UNC5D: variants seen among roughly 807,000 people sequenced by gnomAD.
The protein encoded by UNC5D is netrin receptor UNC5D.
UNC5D carries 39 observed loss-of-function variants against 105.4 expected under a neutral mutation model. That is an observed-to-expected ratio of 0.37 (90% confidence interval 0.29 to 0.48). UNC5D has a LOEUF of 0.48. UNC5D is among the 20% of genes least tolerant of loss of function. The probability of loss-of-function intolerance (pLI) is 0.98; values close to 1 mark genes in which losing one functional copy is unlikely to be tolerated. For synonymous variants in UNC5D, 452 were observed against 450.4 expected (o/e 1.00, Z -0.04); for missense variants, 991 against 1,202.4 (o/e 0.82, Z 2.60).
chr8:35,335,756 A>ATTTTTTTTTTTTTTTTTTTTTTTT (rs35774459), intron 1 of UNC5D, among the ~76,000 whole-genome samples: 1 of 90,484 alleles, frequency 1.1e-5, no homozygotes, highest in Admixed American at 1.5e-4. Context: ...AGAGATTGCA[A>ATTTTTTTTTTTTTTTTTTTTTTTT]TTTTTTTTTT....
chr8:35,376,164 G>T (rs1321084649), intron 1 of UNC5D, among the ~76,000 whole-genome samples: 1 of 152,136 alleles, frequency 6.6e-6, no homozygotes, highest in Non-Finnish European at 1.5e-5. Context: ...GATATGCTGT[G>T]TATCATTTGC....
intron 7 of UNC5D, 42 bp downstream of exon 7, chr8:35,686,751 A>G (rs1219880678): frequency 1.3e-6 from 2 of 1,515,732 alleles, no homozygotes; most frequent in Non-Finnish European, 1.8e-6. Flanking sequence ...TGTTCATAAT[A>G]CCATTTATGC....
At chr8:35,347,234 CAG>C (rs1021014011) in intron 1 of UNC5D, among the ~76,000 whole-genome samples, 51 of 151,998 alleles carry the variant, frequency 3.4e-4, no homozygotes, top group African/African-American at 1.2e-3. Context: ...TGTGCTGGAA[CAG>C]ACTCTGGCTC....
At chr8:35,672,383 C>G (rs1012725585) in intron 4 of UNC5D, among the ~76,000 whole-genome samples, 55 of 152,138 alleles carry the variant, frequency 3.6e-4, no homozygotes, top group African/African-American at 1.3e-3. Context: ...TCCTTATAAT[C>G]TATCTTAGAG....
At position 35,791,380 on chromosome 8, in the gene UNC5D, G is replaced by C. The variant is rs533905000; in HGVS notation, c.*817G>C. 11 of 152,316 alleles carry C rather than the reference G, an allele frequency of 7.2e-5. 1 individual carries two copies. Among genetic ancestry groups the C allele is most frequent in the Admixed American group, 3.3e-4 (5 of 15,288 alleles). The allele number at this position is 152,316 out of a possible 1,614,324, so 9.4% of individuals were successfully genotyped here. On this transcript the variant is annotated 3_prime_UTR_variant, in exon 17 of 17. Transcript: ENST00000404895. ...CCATCTAAGCCACTCAAATTGCTGA[G>C]TGCTATTAGAACACAGCTTATTACA...
At chr8:35,724,102 A>G in intron 9 of UNC5D, 2 of 1,375,604 alleles carry the variant, frequency 1.5e-6, no homozygotes, top group Non-Finnish European at 1.9e-6. Flanking sequence ...ACCAGGCAGC[A>G]GGTGAGAAGG....
chr8:35,497,899 G>A (rs948528196), intron 1 of UNC5D, among the ~76,000 whole-genome samples: 31 of 151,542 alleles, frequency 2.0e-4, no homozygotes, highest in African/African-American at 7.3e-4. Context: ...GAGAAACCCC[G>A]TCTCTGCTAA....
chr8:35,399,145 CAAA>C (rs1029547730), intron 1 of UNC5D, among the ~76,000 whole-genome samples: 1 of 54,684 alleles, frequency 1.8e-5, no homozygotes, highest in Non-Finnish European at 3.7e-5. Context: ...ACTCCATCTC[CAAA>C]AAAAAAAAAA....
At chr8:35,254,297 A>G (rs1331241088) in intron 1 of UNC5D, 1 of 152,160 alleles carries the variant, frequency 6.6e-6, no homozygotes, top group Non-Finnish European at 1.5e-5. Flanking sequence ...CACTCCCATT[A>G]TATTTGCCCA....
At chr8:35,734,307 A>T in intron 11 of UNC5D, among the ~76,000 whole-genome samples, 1 of 128,580 alleles carries the variant, frequency 7.8e-6, no homozygotes, top group African/African-American at 3.1e-5. Context: ...CTCCCTCTGC[A>T]GGGGAGGAAA....
At position 35,273,945 on chromosome 8, in the gene UNC5D, G is replaced by A. The variant is rs138392633; in HGVS notation, c.103+38058G>A. 6.1e-3 allele frequency among the ~76,000 whole-genome samples: 927 copies of A among 151,482 alleles called. 6 individuals carry two copies. Among genetic ancestry groups the A allele is most frequent in the Non-Finnish European group, 0.011 (722 of 67,926 alleles). On this transcript the variant is annotated intron_variant, in intron 1 of 16. Transcript: ENST00000404895. Reference sequence around the variant, plus strand: ...ATTTCATTTTCTCATAGGCTTCCCAGTATCATTTTTATGCCTTTTATGGAG... The same window carrying A: ...ATTTCATTTTCTCATAGGCTTCCCAATATCATTTTTATGCCTTTTATGGAG...
intron 1 of UNC5D, among the ~76,000 whole-genome samples, chr8:35,291,269 A>G (rs1291169683): frequency 1.3e-5 from 2 of 152,246 alleles, no homozygotes; most frequent in Non-Finnish European, 2.9e-5. Context: ...ACCCATGCAA[A>G]TGGGAACTGA....
At chr8:35,593,473 C>G (rs368665713) in intron 3 of UNC5D, among the ~76,000 whole-genome samples, 4 of 152,110 alleles carry the variant, frequency 2.6e-5, no homozygotes, top group African/African-American at 9.7e-5. Flanking sequence ...CAAACAAAAG[C>G]CGGACACAGT....
intron 1 of UNC5D, among the ~76,000 whole-genome samples, chr8:35,487,589 A>ACC (rs1810909831): frequency 6.6e-6 from 1 of 151,360 alleles, no homozygotes; most frequent in African/African-American, 2.4e-5. Flanking sequence ...ACACACACAC[A>ACC]CACACCCCAC....
rs138390700 is a variant in UNC5D at position 35,588,196 on chromosome 8, C to T, written c.467-7358C>T. On this transcript the variant is annotated intron_variant, in intron 3 of 16. Transcript: ENST00000404895. Reference sequence around the variant, plus strand: ...ATCAGAGGGTGGAAATCTATTTATGCTCCACCCTCTCAATATACATGAATA... The same window carrying T: ...ATCAGAGGGTGGAAATCTATTTATGTTCCACCCTCTCAATATACATGAATA... 6.2e-3 allele frequency among the ~76,000 whole-genome samples: 939 copies of T among 151,798 alleles called. 2 individuals are homozygous for T. The highest frequency in any genetic ancestry group is 0.011 in the Admixed American group (162 of 15,184).
At chr8:35,368,364 C>T (rs998939213) in intron 1 of UNC5D, among the ~76,000 whole-genome samples, 2 of 151,870 alleles carry the variant, frequency 1.3e-5, no homozygotes, top group Non-Finnish European at 2.9e-5. Flanking sequence ...CACCCACCCA[C>T]ACACACACAG....
chr8:35,291,245 G>C (rs969769703), intron 1 of UNC5D, among the ~76,000 whole-genome samples: 1 of 151,838 alleles, frequency 6.6e-6, no homozygotes, highest in African/African-American at 2.4e-5. Context: ...AAAGAGAAGG[G>C]ATGGAGAAAG....
At chr8:35,693,505 G>C (rs1305036308) in intron 7 of UNC5D, among the ~76,000 whole-genome samples, 2 of 152,074 alleles carry the variant, frequency 1.3e-5, no homozygotes, top group African/African-American at 4.8e-5. Flanking sequence ...TGTGGCCTTT[G>C]TTACCAACCA....
chr8:35,346,395 GTC>G (rs1376115054), intron 1 of UNC5D, among the ~76,000 whole-genome samples: 2 of 151,966 alleles, frequency 1.3e-5, no homozygotes, highest in East Asian at 3.9e-4. Context: ...GAACTTCAGA[GTC>G]TATTTTCATC....
Sources: allele counts gnomAD v4.1 joint callset (sites outside exome capture counted in the v4.1 genomes callset), GRCh38; gene constraint gnomAD v4.1.1; transcripts MANE v1.5; gene names NCBI Gene and HGNC (gene_info 2026-07-23, HGNC 2026-07-21).